The following CSMD3 variants were observed in gnomAD, a reference collection of about 807,000 sequenced individuals.
CSMD3 encodes the protein CUB and sushi domain-containing protein 3.
A neutral mutation model predicts 435.2 loss-of-function variants in CSMD3; 177 were observed. The ratio of observed to expected loss-of-function variants is 0.41; its 90% CI spans 0.36 to 0.46. The LOEUF is 0.46. CSMD3 is among the 20% of genes least tolerant of loss of function. CSMD3 has a pLI of 0.34. For missense variants in CSMD3, 4,265 were observed against 4,504.6 expected (o/e 0.95, Z 1.52); for synonymous variants, 1,656 against 1,520.5 (o/e 1.09, Z -2.07).
At position 112,981,490 on chromosome 8, in the gene CSMD3, G is replaced by A. The variant is rs1477448717; in HGVS notation, c.1031-5342C>T. On this transcript the variant is annotated intron_variant, in intron 6 of 70. Transcript: ENST00000297405. ...TGTTAAAGTTTATAAGCGTTAAATA[G>A]GAAACCAGTATTAAATTTTGCATTT... Among the ~76,000 whole-genome samples, 4 of 151,314 alleles carry A rather than the reference G, an allele frequency of 2.6e-5. No homozygotes were observed. In the East Asian group the frequency reaches 7.7e-4, roughly 29 times the overall value.
chr8:113,145,438 C>A (rs1189418900), intron 4 of CSMD3, among the ~76,000 whole-genome samples: 1 of 151,574 alleles, frequency 6.6e-6, no homozygotes, highest in African/African-American at 2.4e-5. Flanking sequence ...CTATTTTCAA[C>A]TGTCACAATT....
intron 13 of CSMD3, among the ~76,000 whole-genome samples, chr8:112,729,114 T>C (rs2077025188): frequency 6.6e-6 from 1 of 152,048 alleles, no homozygotes; most frequent in African/African-American, 2.4e-5. Flanking sequence ...TTTCTGTTTG[T>C]TTTAATATAT....
chr8:112,888,755 G>C (rs2081687952), intron 10 of CSMD3, among the ~76,000 whole-genome samples: 1 of 151,590 alleles, frequency 6.6e-6, no homozygotes, highest in South Asian at 2.1e-4. Context: ...CCTGTGTAAA[G>C]GCCACTCACG....
intron 5 of CSMD3, among the ~76,000 whole-genome samples, chr8:113,070,642 T>C (rs1012616493): frequency 1.3e-5 from 2 of 152,060 alleles, no homozygotes; most frequent in African/African-American, 4.8e-5. Flanking sequence ...ACCACCATTC[T>C]ACCCTGTACT....
At chr8:112,496,064 G>A (rs759222967) in intron 30 of CSMD3, among the ~76,000 whole-genome samples, 6 of 151,922 alleles carry the variant, frequency 3.9e-5, no homozygotes, top group Non-Finnish European at 8.8e-5. Flanking sequence ...CCGCCTCTCC[G>A]GTTCACACCG....
In CSMD3 at chr8:113,355,749, T is replaced by TATATATATATACAC. The variant is rs1357514892; in HGVS notation, c.179-40957_179-40956insGTGTATATATATAT. On this transcript the variant is annotated intron_variant, in intron 1 of 70. Transcript: ENST00000297405. ...ATATATATATATATATATATATATATACACACACACACACACACGGGGTGT... is the reference window on the plus strand; with the variant it reads ...ATATATATATATATATATATATATATATATATATATACACACACACACACACACACACGGGGTGT... Among the ~76,000 whole-genome samples, 58 of 81,310 alleles carry TATATATATATACAC rather than the reference T, an allele frequency of 7.1e-4. 1 individual carries two copies. The highest frequency in any genetic ancestry group is 1.7e-3 in the African/African-American group (30 of 17,986). The allele number at this position is 81,310 out of a possible 152,430, so 53.3% of individuals were successfully genotyped here.
intron 36 of CSMD3, among the ~76,000 whole-genome samples, chr8:112,388,350 T>G (rs1455587475): frequency 1.3e-5 from 2 of 152,188 alleles, no homozygotes; most frequent in African/African-American, 4.8e-5. Flanking sequence ...GTACAGGGAA[T>G]AGACTGCAGG....
intron 3 of CSMD3, among the ~76,000 whole-genome samples, chr8:113,189,702 T>C (rs544831154): frequency 1.3e-5 from 2 of 151,956 alleles, no homozygotes; most frequent in South Asian, 2.1e-4. Context: ...ATAAAACTAT[T>C]AATGAAATGG....
intron 3 of CSMD3, among the ~76,000 whole-genome samples, chr8:113,243,450 G>C (rs1335477299): frequency 1.3e-5 from 2 of 151,990 alleles, no homozygotes; most frequent in East Asian, 3.9e-4. Flanking sequence ...TGTTCTTTTT[G>C]ATTGCTAAAT....
chr8:112,373,620 G>A, intron 38 of CSMD3, among the ~76,000 whole-genome samples: 1 of 151,948 alleles, frequency 6.6e-6, no homozygotes, highest in East Asian at 1.9e-4. Flanking sequence ...AAATACATAA[G>A]GAGTTCTTCA....
intron 13 of CSMD3, among the ~76,000 whole-genome samples, chr8:112,791,531 T>C (rs1307215682): frequency 6.6e-6 from 1 of 152,148 alleles, no homozygotes; most frequent in South Asian, 2.1e-4. Context: ...CATATTGATA[T>C]TGATTTTCAT....
rs1250167076 is a variant in CSMD3 at position 112,682,539 on chromosome 8, A to G, written c.2580T>C (p.Cys860=). Reference sequence around the variant, plus strand: ...CCTGGGTTTTAATAAATCCTTCTTCACAAATAACTGAAATTGAACTTCCTA... The same window carrying G: ...CCTGGGTTTTAATAAATCCTTCTTCGCAAATAACTGAAATTGAACTTCCTA... ...FQLGSSISVI[C]EEGFIKTQGT... is the part of the protein sequence containing the mutation. The change falls in exon 16 of 71, where the codon TGT becomes TGC. Residue 860 remains cysteine (C), a synonymous_variant. Coordinates refer to ENST00000297405, the MANE Select transcript of CSMD3 (RefSeq NM_198123.2). 1.2e-6 allele frequency: 2 copies of G among 1,613,396 alleles called. No homozygotes were observed. Among genetic ancestry groups the G allele is most frequent in the African/African-American group, 2.7e-5 (2 of 74,902 alleles).
chr8:113,209,543 C>T (rs545148299), intron 3 of CSMD3, among the ~76,000 whole-genome samples: 1 of 152,044 alleles, frequency 6.6e-6, no homozygotes, highest in Admixed American at 6.6e-5. Context: ...ATGAATTGGT[C>T]TAAAAAATAA....
At chr8:113,067,301 A>G (rs2088901533) in intron 5 of CSMD3, among the ~76,000 whole-genome samples, 1 of 152,142 alleles carries the variant, frequency 6.6e-6, no homozygotes, top group African/African-American at 2.4e-5. Flanking sequence ...AGTTAGTGTA[A>G]GCAAAAAAAT....
intron 1 of CSMD3, among the ~76,000 whole-genome samples, chr8:113,402,038 T>C (rs1036544257): frequency 6.6e-6 from 1 of 151,552 alleles, no homozygotes; most frequent in Non-Finnish European, 1.5e-5. Flanking sequence ...TGACTGTATA[T>C]GTAAATTCCT....
chr8:113,060,336 A>G (rs1422736140), intron 5 of CSMD3, among the ~76,000 whole-genome samples: 1 of 148,952 alleles, frequency 6.7e-6, no homozygotes, highest in East Asian at 2.0e-4. Context: ...ATCATTTTTT[A>G]TGGCTGCATA....
rs757510387 is a variant in CSMD3 at position 112,976,178 on chromosome 8, C to G, written c.1031-30G>C. The stretch of plus-strand genomic sequence containing the variant: ...GGGACACAGTAGCACTAGATGCTAA[C>G]TTTTTCTTTTTAAATTTTGTTTATT... On this transcript the variant is annotated intron_variant, in intron 6 of 70. Coordinates refer to ENST00000297405, the MANE Select transcript of CSMD3 (RefSeq NM_198123.2). 3.1e-6 allele frequency: 5 copies of G among 1,609,546 alleles called. No homozygotes were observed. The South Asian group carries it at 4.4e-5, about 14-fold the overall frequency.
intron 2 of CSMD3, chr8:113,309,909 T>C (rs561366039): frequency 2.0e-5 from 3 of 152,304 alleles, no homozygotes; most frequent in South Asian, 2.1e-4. Context: ...GCCAATGATA[T>C]AGGAGAAGAA....
intron 11 of CSMD3, among the ~76,000 whole-genome samples, chr8:112,846,960 T>C (rs2080340172): frequency 6.6e-6 from 1 of 152,080 alleles, no homozygotes; most frequent in Non-Finnish European, 1.5e-5. Context: ...CTATAAATAG[T>C]GACCAGAGCT....
Sources: gnomAD v4.1 joint callset for allele counts (sites outside exome capture counted in the v4.1 genomes callset) on GRCh38, gnomAD v4.1.1 for gene constraint, MANE v1.5 for transcripts, NCBI Gene and HGNC (gene_info 2026-07-23, HGNC 2026-07-21) for gene names.